HACD4: variants seen among roughly 807,000 people sequenced by gnomAD.
HACD4 encodes the protein very-long-chain (3R)-3-hydroxyacyl-CoA dehydratase 4.
In HACD4, 35 loss-of-function variants were observed where a neutral mutation model predicts 33.3. That is an observed-to-expected ratio of 1.05 (90% confidence interval 0.80 to 1.39). HACD4 has a LOEUF of 1.39. Among genes scored for constraint, HACD4 ranks in the 40% most tolerant of loss-of-function variants. The probability of loss-of-function intolerance (pLI) is 0.00; values close to 1 mark genes in which losing one functional copy is unlikely to be tolerated. For synonymous variants in HACD4, 118 were observed against 98.0 expected, an observed-to-expected ratio of 1.20 and a Z score of -1.21; for missense variants, 323 against 276.5, an observed-to-expected ratio of 1.17 and a Z score of -1.19.
At chr9:21,022,326 C>G (rs914929374) in intron 3 of HACD4, among the ~76,000 whole-genome samples, 1 of 152,174 alleles carries the variant, frequency 6.6e-6, no homozygotes, top group Non-Finnish European at 1.5e-5. Context: ...GCAAGGACTT[C>G]ATGACTAAAA....
chr9:21,027,848 C>T (rs964772975), intron 2 of HACD4, among the ~76,000 whole-genome samples: 2 of 152,022 alleles, frequency 1.3e-5, no homozygotes, highest in Non-Finnish European at 2.9e-5. Context: ...GAAAGAAATG[C>T]GCCGAGCCGG....
In HACD4 at chr9:21,031,545, C is replaced by T. The variant is rs937265792; in HGVS notation, c.38+8G>A. The T allele has an allele frequency of 6.8e-7, 1 of 1,464,172 alleles. No homozygotes were observed. The highest frequency in any genetic ancestry group is 9.0e-7 in the Non-Finnish European group (1 of 1,114,932). The allele number at this position is 1,464,172 out of a possible 1,614,324, so 90.7% of individuals were successfully genotyped here. A position where few individuals can be genotyped will look rare whatever the true frequency, so the allele number is the denominator to read the frequency against. On this transcript the variant is annotated splice_region_variant and intron_variant, in intron 1 of 6. Transcript: ENST00000495827. ...CCCCTCCCCTCGGGATTCGGCCGAG[C>T]GCCCTACCTGGGCTGCAGCCAGGCG... is the stretch of plus-strand genomic sequence containing the variant.
At position 21,006,636 on chromosome 9, in the gene HACD4, G is replaced by C. The variant is rs1188118333; in HGVS notation, c.*401C>G. On this transcript the variant is annotated 3_prime_UTR_variant, in exon 7 of 7. Transcript: ENST00000495827. This position sits in a 1 kb window ranked among gnomAD's most constrained non-coding sequence, Gnocchi z 4.6. ...TATTTTCCATCCCTCTTCTCCTACAGATCTATTTGGGAACTTGGAAGTGAA... is the reference window on the plus strand; with the variant it reads ...TATTTTCCATCCCTCTTCTCCTACACATCTATTTGGGAACTTGGAAGTGAA... 1.3e-5 allele frequency: 3 copies of C among 234,428 alleles called. No individual in the cohort carries two copies. The highest frequency in any genetic ancestry group is 2.5e-5 in the Non-Finnish European group (3 of 120,518). 14.5% of individuals were successfully genotyped at this position (234,428 alleles called of 1,614,324 possible). A position where few individuals can be genotyped will look rare whatever the true frequency, so the allele number is the denominator to read the frequency against.
At position 21,015,931 on chromosome 9, in the gene HACD4, A is replaced by G. The variant is rs560397654; in HGVS notation, c.350T>C (p.Leu117Ser). The G allele has an allele frequency of 6.2e-7, 1 of 1,612,800 alleles. No individual in the cohort carries two copies. The highest frequency in any genetic ancestry group is 1.7e-5 in the Admixed American group (1 of 60,016). Residue 117 changes from leucine to serine, a missense_variant, in exon 4 of 7, where the codon TTA becomes TCA. Physicochemically the swap from Leu to Ser is moderately radical, Grantham distance 145. Coordinates refer to ENST00000495827, the MANE Select transcript of HACD4 (RefSeq NM_001010915.5). ...ATCCAATAGATTCCAAAAGACGAAT[A>G]AAACACACACCACATATTTCTCTTG... The part of the protein sequence containing the change: ...EVQEKYVVCV[L>S]FVFWNLLDMV...
intron 3 of HACD4, among the ~76,000 whole-genome samples, chr9:21,024,183 A>G (rs1374232188): frequency 2.0e-5 from 3 of 152,382 alleles, no homozygotes; most frequent in African/African-American, 4.8e-5. Context: ...CACCATTTCC[A>G]TTGTGGGAAC....
At chr9:21,031,489 G>C (rs1430495193) in intron 1 of HACD4, 64 bp downstream of exon 1, 9 of 1,431,250 alleles carry the variant, frequency 6.3e-6, no homozygotes, top group African/African-American at 1.5e-5. Context: ...CCGCAGAGGG[G>C]AGCTCCCGCC....
chr9:21,025,276 A>G (rs1818032537), intron 3 of HACD4, among the ~76,000 whole-genome samples: 1 of 152,156 alleles, frequency 6.6e-6, no homozygotes, highest in African/African-American at 2.4e-5. Flanking sequence ...ATAAACTTGT[A>G]ATGCTCAGTT....
chr9:21,022,174 C>A (rs1817931112), intron 3 of HACD4, among the ~76,000 whole-genome samples: 1 of 152,024 alleles, frequency 6.6e-6, no homozygotes, highest in South Asian at 2.1e-4. Flanking sequence ...ACTGGCTAGC[C>A]ATATGTAGCT....
chr9:21,008,124 C>T lies in HACD4; in HGVS notation c.513G>A (p.Leu171=). ...AAGTGCCAAATGATTCAAAATAAGG[C>T]AGCGATTGATAGATGGCAAATGCTG... ...LAEAFAIYQS[L]PYFESFGTYS... is the part of the protein sequence containing the mutation. Residue 171 remains leucine, a synonymous_variant, in exon 6 of 7, where the codon CTG becomes CTA. Transcript: ENST00000495827. The T allele has an allele frequency of 6.2e-7, 1 of 1,607,422 alleles. No individual in the cohort carries two copies. The highest frequency in any genetic ancestry group is 1.1e-5 in the South Asian group (1 of 89,650).
At position 21,011,698 on chromosome 9, in the gene HACD4, G is replaced by A; in HGVS notation, c.384-3C>T. 6.6e-7 allele frequency: 1 copy of A among 1,508,888 alleles called. No homozygotes were observed. Among genetic ancestry groups the A allele is most frequent in the Non-Finnish European group, 9.2e-7 (1 of 1,092,024 alleles). The allele number at this position is 1,508,888 out of a possible 1,614,324, so 93.5% of individuals were successfully genotyped here. ...CTGATAACATGCTATAAGTGTACCTGAAAGGAGATGAGAAGCTCATAAACA... is the reference window on the plus strand; with the variant it reads ...CTGATAACATGCTATAAGTGTACCTAAAAGGAGATGAGAAGCTCATAAACA... On this transcript the variant is annotated splice_polypyrimidine_tract_variant and splice_region_variant and intron_variant, in intron 4 of 6. Coordinates refer to ENST00000495827, the MANE Select transcript of HACD4 (RefSeq NM_001010915.5).
Position 21,008,136 on chromosome 9 carries a change from G to C in HACD4, c.501C>G (p.Ile167Met), listed in dbSNP as rs755017948. 5.6e-6 allele frequency: 9 copies of C among 1,605,278 alleles called. No homozygotes were observed. The highest frequency in any genetic ancestry group is 5.9e-6 in the Non-Finnish European group (7 of 1,176,642). The change falls in exon 6 of 7, where the codon ATC (isoleucine) becomes ATG (methionine). Residue 167 changes from isoleucine (I) to methionine (M), a missense_variant. Transcript: ENST00000495827. ...PLCVLAEAFA[I>M]YQSLPYFESF... is the part of the protein sequence containing the mutation. The stretch of plus-strand genomic sequence containing the variant: ...ATTCAAAATAAGGCAGCGATTGATA[G>C]ATGGCAAATGCTGTTAAAAAAGAAA...
chr9:21,003,178 T>C lies in HACD4; in HGVS notation c.*3859A>G, dbSNP rs1007043683. ...TTACTGTCAATCCTCATTTCTGTTT[T>C]AAAATAATTATAAATTCACTTGTGT... On this transcript the variant is annotated 3_prime_UTR_variant, in exon 7 of 7. Coordinates refer to ENST00000495827, the MANE Select transcript of HACD4 (RefSeq NM_001010915.5). The C allele has an allele frequency of 2.0e-5, 3 of 152,196 alleles. No homozygotes were observed. The highest frequency in any genetic ancestry group is 4.4e-5 in the Non-Finnish European group (3 of 68,004). The allele number at this position is 152,196 out of a possible 1,614,324, so 9.4% of individuals were successfully genotyped here.
At chr9:21,025,938 G>A (rs760600497) in intron 3 of HACD4, among the ~76,000 whole-genome samples, 5 of 152,182 alleles carry the variant, frequency 3.3e-5, no homozygotes, top group Non-Finnish European at 5.9e-5. Context: ...TAAATGACTT[G>A]TTTAAATGTA....
intron 3 of HACD4, among the ~76,000 whole-genome samples, 171 bp downstream of exon 3, chr9:21,026,425 T>A (rs1818061720): frequency 6.6e-6 from 1 of 152,250 alleles, no homozygotes; most frequent in African/African-American, 2.4e-5. Context: ...CAACTGGTTA[T>A]TCTAACTGGG....
At chr9:21,016,902 C>A (rs567938664) in intron 3 of HACD4, among the ~76,000 whole-genome samples, 18 of 152,006 alleles carry the variant, frequency 1.2e-4, no homozygotes, top group African/African-American at 4.3e-4. Context: ...AGACTTCACA[C>A]ATTTTTGGCT....
At chr9:21,011,208 G>C (rs1842419891) in intron 5 of HACD4, among the ~76,000 whole-genome samples, 1 of 152,174 alleles carries the variant, frequency 6.6e-6, no homozygotes, top group African/African-American at 2.4e-5. Flanking sequence ...ATAGTAAATG[G>C]TAAGTGGGAA....
chr9:21,016,385 G>A (rs1193798166), intron 3 of HACD4, among the ~76,000 whole-genome samples: 2 of 152,178 alleles, frequency 1.3e-5, no homozygotes, highest in African/African-American at 4.8e-5. Context: ...GCAGTGGTGG[G>A]AGAACTGAAC....
At chr9:21,019,654 T>C (rs1468721100) in intron 3 of HACD4, among the ~76,000 whole-genome samples, 1 of 152,152 alleles carries the variant, frequency 6.6e-6, no homozygotes, top group Admixed American at 6.5e-5. Context: ...TATAGCTTTA[T>C]ACTTATCACA....
At chr9:21,009,776 CTT>C (rs1409090391) in intron 5 of HACD4, among the ~76,000 whole-genome samples, 1 of 152,172 alleles carries the variant, frequency 6.6e-6, no homozygotes, top group African/African-American at 2.4e-5. Context: ...TCCTAACAAA[CTT>C]TGTACCCTTT....
Sources: gnomAD v4.1 joint callset for allele counts (sites outside exome capture counted in the v4.1 genomes callset) on GRCh38, gnomAD v4.1.1 for gene constraint, Gnocchi (gnomAD v3.1) non-coding constraint, MANE v1.5 for transcripts, NCBI Gene and HGNC (gene_info 2026-07-23, HGNC 2026-07-21) for gene names.